The following HEMK1 variants were observed in gnomAD, a reference collection of about 807,000 sequenced individuals.
HEMK1 encodes the protein MTRF1L release factor glutamine methyltransferase.
A neutral mutation model predicts 47.9 loss-of-function variants in HEMK1; 36 were observed. The ratio of observed to expected loss-of-function variants is 0.75; its 90% confidence interval spans 0.58 to 0.99. The LOEUF (loss-of-function observed/expected upper bound fraction) is 0.99, where lower values mean the gene tolerates loss of function less well. Ranked by LOEUF, HEMK1 falls within the 50% of genes least tolerant of loss-of-function variation. HEMK1 has a pLI of 0.00. For synonymous variants in HEMK1, 153 were observed against 165.4 expected, an observed-to-expected ratio of 0.93 and a Z score of 0.57; for missense variants, 383 against 434.5, an observed-to-expected ratio of 0.88 and a Z score of 1.05.
intron 4 of HEMK1, among the ~76,000 whole-genome samples, chr3:50,576,082 G>A (rs569199033): frequency 6.6e-6 from 1 of 152,326 alleles, no homozygotes; most frequent in Admixed American, 6.5e-5. Context: ...CTATGCCTGT[G>A]TATGCCACAG....
intron 4 of HEMK1, among the ~76,000 whole-genome samples, chr3:50,576,279 C>T (rs533707989): frequency 1.3e-5 from 2 of 152,354 alleles, no homozygotes; most frequent in South Asian, 4.1e-4. Context: ...TCAGGTGGGG[C>T]CTTGACCCCA....
In HEMK1 at chr3:50,571,376, A is replaced by G. The variant is rs762323793; in HGVS notation, c.228+44A>G. ...AAGAGGACAGGAAGAGGGAGGAGGG[A>G]GGACTTGGGGAAGGGATATCCAGGT... On this transcript the variant is annotated intron_variant, in intron 2 of 10. Coordinates refer to ENST00000232854, the MANE Select transcript of HEMK1 (RefSeq NM_016173.5). The G allele has an allele frequency of 4.2e-6, 6 of 1,427,118 alleles. No homozygotes were observed. In the South Asian group the frequency reaches 8.0e-5, roughly 19 times the overall value. 88.4% of individuals were successfully genotyped at this position (1,427,118 alleles called of 1,614,324 possible).
chr3:50,590,934 A>G lies in HEMK1; in HGVS notation c.*10517A>G, dbSNP rs2031689524. 1 of 152,134 alleles carries G rather than the reference A, an allele frequency of 6.6e-6. No homozygotes were observed. Among genetic ancestry groups the G allele is most frequent in the African/African-American group, 2.4e-5 (1 of 41,406 alleles). 9.4% of individuals were successfully genotyped at this position (152,134 alleles called of 1,614,324 possible). A position where few individuals can be genotyped will look rare whatever the true frequency, so the allele number is the denominator to read the frequency against. Reference sequence around the variant, plus strand: ...TGGGTACCTTCATTTCTGGGAACTAACTGTGCTTTGGAAAGAGAGAAATGA... The same window carrying G: ...TGGGTACCTTCATTTCTGGGAACTAGCTGTGCTTTGGAAAGAGAGAAATGA... On this transcript the variant is annotated 3_prime_UTR_variant, in exon 11 of 11. Transcript: ENST00000232854.
upstream of HEMK1, chr3:50,569,232 C>CTGGA (rs1026918334): frequency 2.6e-5 from 4 of 152,352 alleles, no homozygotes; most frequent in African/African-American, 9.6e-5. Context: ...TCCCCTTGGG[C>CTGGA]TGGAGCCAAA....
At position 50,596,121 on chromosome 3, in the gene HEMK1, A is replaced by G. The variant is rs2031959847; in HGVS notation, c.*15704A>G. Reference sequence around the variant, plus strand: ...GCCTGTGGCCTGTTCCTTAGAGTGTATCACAAACATACAAGTGATCAATTT... The same window carrying G: ...GCCTGTGGCCTGTTCCTTAGAGTGTGTCACAAACATACAAGTGATCAATTT... On this transcript the variant is annotated 3_prime_UTR_variant, in exon 11 of 11. Coordinates refer to ENST00000232854, the MANE Select transcript of HEMK1 (RefSeq NM_016173.5). The G allele has an allele frequency of 6.6e-6, 1 of 152,150 alleles. No homozygotes were observed. The highest frequency in any genetic ancestry group is 1.5e-5 in the Non-Finnish European group (1 of 68,040). The allele number at this position is 152,150 out of a possible 1,614,324, so 9.4% of individuals were successfully genotyped here.
In HEMK1 at chr3:50,580,524, G is replaced by C; in HGVS notation, c.*107G>C. The C allele has an allele frequency of 8.8e-7, 1 of 1,131,574 alleles. No homozygotes were observed. The highest frequency in any genetic ancestry group is 1.3e-6 in the Non-Finnish European group (1 of 768,770). 70.1% of individuals were successfully genotyped at this position (1,131,574 alleles called of 1,614,324 possible). ...CTTATGGCATTTCCCAGGGTTCTGT[G>C]ATTTCCCCATGCTCTGCATTTCTAG... On this transcript the variant is annotated 3_prime_UTR_variant, in exon 11 of 11. Transcript: ENST00000232854.
At position 50,581,945 on chromosome 3, in the gene HEMK1, G is replaced by C. The variant is rs2030865057; in HGVS notation, c.*1528G>C. ...AGGAACCTGGGTGGGGAGGGCGAAG[G>C]GGGTGCACAACCAGGGCAAGGCTCC... On this transcript the variant is annotated 3_prime_UTR_variant, in exon 11 of 11. Transcript: ENST00000232854. The C allele has an allele frequency of 6.6e-6, 1 of 152,380 alleles. No individual in the cohort carries two copies. Among genetic ancestry groups the C allele is most frequent in the Non-Finnish European group, 1.5e-5 (1 of 68,192 alleles). The allele number at this position is 152,380 out of a possible 1,614,324, so 9.4% of individuals were successfully genotyped here.
rs2031322132 is a variant in HEMK1, at chr3:50,585,930, T to C, written c.*5513T>C. ...GTTAATTAAGTCAATTAGGTGGTGC[T>C]CATATGGCTGTCCATGTAGCTACTA... On this transcript the variant is annotated 3_prime_UTR_variant, in exon 11 of 11. Transcript: ENST00000232854. The C allele has an allele frequency of 6.6e-6, 1 of 152,190 alleles. No homozygotes were observed. 9.4% of individuals were successfully genotyped at this position (152,190 alleles called of 1,614,324 possible).
At position 50,577,054 on chromosome 3, in the gene HEMK1, A is replaced by G. The variant is rs112436725; in HGVS notation, c.417A>G (p.Glu139=). ...PVFIPRPETE[E]LVEWVLEEVA... The stretch of plus-strand genomic sequence containing the variant: ...ATCCAGATCCCTCTGCTTCACAGGA[A>G]CTGGTTGAGTGGGTGCTGGAAGAGG... The change falls in exon 5 of 11, where the codon GAA becomes GAG. Residue 139 remains glutamate (E), a splice_region_variant and synonymous_variant. Transcript: ENST00000232854. The G allele has an allele frequency of 6.2e-7, 1 of 1,613,854 alleles. No homozygotes were observed. Among genetic ancestry groups the G allele is most frequent in the Non-Finnish European group, 8.5e-7 (1 of 1,179,882 alleles).
rs753668664 is a variant in HEMK1 at position 50,580,111 on chromosome 3, T to G, written c.867-5T>G. ...GCTGAGCCCACCCATTTCTCCCCCA[T>G]GTAGTAGTATCTTCTTAGAAGTGGA... On this transcript the variant is annotated splice_region_variant and splice_polypyrimidine_tract_variant and intron_variant, in intron 9 of 10. Transcript: ENST00000232854. 1.9e-6 allele frequency: 3 copies of G among 1,610,274 alleles called. No homozygotes were observed. Among genetic ancestry groups the G allele is most frequent in the South Asian group, 2.2e-5 (2 of 91,002 alleles).
chr3:50,579,973 C>A lies in HEMK1; in HGVS notation c.866+34C>A, dbSNP rs770173632. 9.5e-6 allele frequency: 15 copies of A among 1,571,598 alleles called. No individual in the cohort carries two copies. The African/African-American group carries it at 2.0e-4, about 21-fold the overall frequency. Reference sequence around the variant, plus strand: ...GGGATGGGTCTCCTAGGTCTGTCCCCAGCAGGCTCCTCTGCTCCTAATGTG... The same window carrying A: ...GGGATGGGTCTCCTAGGTCTGTCCCAAGCAGGCTCCTCTGCTCCTAATGTG... On this transcript the variant is annotated intron_variant, in intron 9 of 10. Coordinates refer to ENST00000232854, the MANE Select transcript of HEMK1 (RefSeq NM_016173.5).
At position 50,592,463 on chromosome 3, in the gene HEMK1, T is replaced by G. The variant is rs913812428; in HGVS notation, c.*12046T>G. 5 of 152,204 alleles carry G rather than the reference T, an allele frequency of 3.3e-5. No homozygotes were observed. Among genetic ancestry groups the G allele is most frequent in the Non-Finnish European group, 7.4e-5 (5 of 68,024 alleles). The allele number at this position is 152,204 out of a possible 1,614,324, so 9.4% of individuals were successfully genotyped here. On this transcript the variant is annotated 3_prime_UTR_variant, in exon 11 of 11. Coordinates refer to ENST00000232854, the MANE Select transcript of HEMK1 (RefSeq NM_016173.5). Reference sequence around the variant, plus strand: ...TCCCTCCCTGATTCCTTGAATAAAATTCAGCCTTCCAAATTTTACTCAAAT... The same window carrying G: ...TCCCTCCCTGATTCCTTGAATAAAAGTCAGCCTTCCAAATTTTACTCAAAT...
rs1461698843 is a variant in HEMK1, at chr3:50,582,142, C to T, written c.*1725C>T. The T allele has an allele frequency of 2.0e-5, 3 of 152,274 alleles. No homozygotes were observed. Among genetic ancestry groups the T allele is most frequent in the Non-Finnish European group, 4.4e-5 (3 of 68,100 alleles). The allele number at this position is 152,274 out of a possible 1,614,324, so 9.4% of individuals were successfully genotyped here. ...GTCGCCCCCCTACACCTCAGCCAGT[C>T]CTGGCTTCCCTGATGGTCTCTCCCT... On this transcript the variant is annotated 3_prime_UTR_variant, in exon 11 of 11. Coordinates refer to ENST00000232854, the MANE Select transcript of HEMK1 (RefSeq NM_016173.5).
At position 50,595,689 on chromosome 3, in the gene HEMK1, A is replaced by G. The variant is rs958517167; in HGVS notation, c.*15272A>G. On this transcript the variant is annotated 3_prime_UTR_variant, in exon 11 of 11. Transcript: ENST00000232854. The stretch of plus-strand genomic sequence containing the variant: ...GAGAACCATGGGGAATTGTCTCTCA[A>G]TACCTTACTGGTGCTTCTTGGCATT... The G allele has an allele frequency of 3.3e-5, 5 of 152,246 alleles. No individual in the cohort carries two copies. The highest frequency in any genetic ancestry group is 1.3e-4 in the Admixed American group (2 of 15,290). 9.4% of individuals were successfully genotyped at this position (152,246 alleles called of 1,614,324 possible). A position where few individuals can be genotyped will look rare whatever the true frequency, so the allele number is the denominator to read the frequency against.
rs1021298941 is a variant in HEMK1 at position 50,583,799 on chromosome 3, G to C, written c.*3382G>C. 3.3e-5 allele frequency: 5 copies of C among 152,378 alleles called. No individual in the cohort carries two copies. The highest frequency in any genetic ancestry group is 9.7e-5 in the African/African-American group (4 of 41,448). 9.4% of individuals were successfully genotyped at this position (152,378 alleles called of 1,614,324 possible). On this transcript the variant is annotated 3_prime_UTR_variant, in exon 11 of 11. Coordinates refer to ENST00000232854, the MANE Select transcript of HEMK1 (RefSeq NM_016173.5). ...ACACAAATGCTGCCTCCTTTAGGAT[G>C]CCTGCTCTGTGCTCTCCCTGCCTCC...
At position 50,590,275 on chromosome 3, in the gene HEMK1, G is replaced by A. The variant is rs1312152555; in HGVS notation, c.*9858G>A. 1 of 151,978 alleles carries A rather than the reference G, an allele frequency of 6.6e-6. No homozygotes were observed. The highest frequency in any genetic ancestry group is 6.5e-5 in the Admixed American group (1 of 15,268). The allele number at this position is 151,978 out of a possible 1,614,324, so 9.4% of individuals were successfully genotyped here. A position where few individuals can be genotyped will look rare whatever the true frequency, so the allele number is the denominator to read the frequency against. ...GGAGGAGGAAGCCAGAAAGAAAGGG[G>A]CCGTGCAGGGTGGCTCACACTTGTA... On this transcript the variant is annotated 3_prime_UTR_variant, in exon 11 of 11. Transcript: ENST00000232854.
At chr3:50,577,715 T>C in intron 6 of HEMK1, 111 bp from the exon 7 acceptor site, 1 of 1,353,844 alleles carries the variant, frequency 7.4e-7, no homozygotes. Flanking sequence ...GAATGGGTAG[T>C]GGGCAGTGAG....
chr3:50,579,668 A>G (rs1172026933), intron 8 of HEMK1, among the ~76,000 whole-genome samples, 176 bp from the exon 9 acceptor site: 1 of 152,080 alleles, frequency 6.6e-6, no homozygotes, highest in Non-Finnish European at 1.5e-5. Context: ...CCATGGGAGG[A>G]AGAGAAGAGG....
chr3:50,579,859 G>T lies in HEMK1; in HGVS notation c.786G>T (p.Ala262=). Residue 262 remains alanine (A), a synonymous_variant, in exon 9 of 11, where the codon GCG becomes GCT. Coordinates refer to ENST00000232854, the MANE Select transcript of HEMK1 (RefSeq NM_016173.5). ...APEIRSYEDP[A]ALDGGEEGMD... ...TGCCTTTCAGCTATGAAGACCCCGC[G>T]GCCCTGGATGGTGGGGAGGAGGGCA... 1 of 1,613,564 alleles carries T rather than the reference G, an allele frequency of 6.2e-7. No homozygotes were observed. Among genetic ancestry groups the T allele is most frequent in the Non-Finnish European group, 8.5e-7 (1 of 1,179,666 alleles).
Sources: gnomAD v4.1 joint callset for allele counts (sites outside exome capture counted in the v4.1 genomes callset) on GRCh38, gnomAD v4.1.1 for gene constraint, MANE v1.5 for transcripts, NCBI Gene and HGNC (gene_info 2026-07-23, HGNC 2026-07-21) for gene names.